SLC25A12: variants seen among roughly 807,000 people sequenced by gnomAD.
The protein encoded by SLC25A12 is solute carrier family 25 member 12, also known as electrogenic aspartate/glutamate antiporter SLC25A12, mitochondrial.
A neutral mutation model predicts 83.3 loss-of-function variants in SLC25A12; 32 were observed. The observed-to-expected ratio is 0.38, with a 90% CI of 0.29 to 0.52. The LOEUF (loss-of-function observed/expected upper bound fraction) is 0.52. Ranked by LOEUF, SLC25A12 falls within the 20% of genes least tolerant of loss-of-function variation. SLC25A12 has a pLI of 0.84. For synonymous variants in SLC25A12, 267 were observed against 291.1 expected (o/e 0.92, Z 0.84); for missense variants, 611 against 835.6 (o/e 0.73, Z 3.31).
chr2:171,808,767 A>G (rs1476392692), intron 13 of SLC25A12, among the ~76,000 whole-genome samples: 1 of 152,202 alleles, frequency 6.6e-6, no homozygotes, highest in Non-Finnish European at 1.5e-5. Context: ...ATACATAGGT[A>G]TACATGTGCC....
chr2:171,795,158 C>A (rs1470272331), intron 13 of SLC25A12, among the ~76,000 whole-genome samples: 3 of 152,186 alleles, frequency 2.0e-5, no homozygotes, highest in African/African-American at 4.8e-5. Flanking sequence ...TTCCCCAGGG[C>A]CTTAATCCCC....
At chr2:171,880,963 T>C (rs987989823) in intron 2 of SLC25A12, among the ~76,000 whole-genome samples, 1 of 152,230 alleles carries the variant, frequency 6.6e-6, no homozygotes, top group African/African-American at 2.4e-5. Flanking sequence ...TTTCTGGGGC[T>C]TAGTTTCCTC....
At chr2:171,826,657 A>G in intron 9 of SLC25A12, 141 bp downstream of exon 9, 1 of 677,746 alleles carries the variant, frequency 1.5e-6, no homozygotes, top group Non-Finnish European at 2.7e-6. Flanking sequence ...GTAGTTCTAT[A>G]AAGGTAATCT....
intron 4 of SLC25A12, among the ~76,000 whole-genome samples, chr2:171,850,103 C>T (rs1198706633): frequency 2.0e-5 from 3 of 151,366 alleles, no homozygotes; most frequent in Admixed American, 6.6e-5. Flanking sequence ...CATGCCTGGC[C>T]GCCATAGAAT....
At chr2:171,842,208 A>G (rs972545342) in intron 5 of SLC25A12, among the ~76,000 whole-genome samples, 4 of 152,168 alleles carry the variant, frequency 2.6e-5, no homozygotes, top group African/African-American at 7.2e-5. Flanking sequence ...TTCAGCCACA[A>G]AAAAGGAATA....
At chr2:171,876,546 G>GC (rs59159634) in intron 2 of SLC25A12, among the ~76,000 whole-genome samples, 32,745 of 82,972 alleles carry the variant, frequency 0.39, 7,040 homozygotes, top group Middle Eastern at 0.52. Context: ...TTTTTTTTGG[G>GC]GGGGGGGGGA....
At chr2:171,884,019 C>T (rs1558944898) in intron 2 of SLC25A12, among the ~76,000 whole-genome samples, 1 of 151,706 alleles carries the variant, frequency 6.6e-6, no homozygotes. Flanking sequence ...GGCCACCATG[C>T]CTGGCTAATT....
At chr2:171,867,134 T>C (rs1445230054) in intron 3 of SLC25A12, among the ~76,000 whole-genome samples, 1 of 146,710 alleles carries the variant, frequency 6.8e-6, no homozygotes, top group African/African-American at 2.6e-5. Flanking sequence ...GCAGAGACGC[T>C]CCTCACTTTC....
At chr2:171,823,881 G>A (rs1219323153) in intron 9 of SLC25A12, among the ~76,000 whole-genome samples, 2 of 152,026 alleles carry the variant, frequency 1.3e-5, no homozygotes, top group African/African-American at 4.8e-5. Context: ...CCTGAGCCGG[G>A]GAGGTCAGGA....
chr2:171,825,663 T>C (rs933803580), intron 9 of SLC25A12, among the ~76,000 whole-genome samples: 19 of 152,118 alleles, frequency 1.2e-4, no homozygotes, highest in African/African-American at 4.6e-4. Flanking sequence ...TCCTAGAGAA[T>C]TATGAGGAAC....
At chr2:171,854,192 T>C (rs1684995706) in intron 4 of SLC25A12, among the ~76,000 whole-genome samples, 1 of 152,194 alleles carries the variant, frequency 6.6e-6, no homozygotes, top group Non-Finnish European at 1.5e-5. Context: ...CTGAGGAAAG[T>C]CAACATTCTT....
At chr2:171,879,052 AAAT>A (rs1445402244) in intron 2 of SLC25A12, among the ~76,000 whole-genome samples, 1 of 152,250 alleles carries the variant, frequency 6.6e-6, no homozygotes, top group Non-Finnish European at 1.5e-5. Context: ...ATTCTATCAT[AAAT>A]AATACTTTAT....
intron 11 of SLC25A12, among the ~76,000 whole-genome samples, chr2:171,812,877 T>C (rs1683977042): frequency 6.6e-6 from 1 of 151,564 alleles, no homozygotes; most frequent in Non-Finnish European, 1.5e-5. Flanking sequence ...GACAAAAACA[T>C]TTGATATTTA....
In SLC25A12 at chr2:171,833,422, G is replaced by A. The variant is rs563508643; in HGVS notation, c.845+541C>T. Among the ~76,000 whole-genome samples the A allele has an allele frequency of 3.3e-5, 5 of 152,032 alleles. 1 individual carries two copies. The East Asian group carries it at 9.7e-4, about 30-fold the overall frequency. On this transcript the variant is annotated intron_variant, in intron 8 of 17. Transcript: ENST00000422440. ...AGCAGATGTAACAGAGGAGAAGAAA[G>A]AAACACAGGGTCTGGACACAGGGAG...
chr2:171,785,839 T>C (rs1690478345), intron 17 of SLC25A12, among the ~76,000 whole-genome samples: 1 of 152,166 alleles, frequency 6.6e-6, no homozygotes, highest in Non-Finnish European at 1.5e-5. Context: ...TCTTGCTATG[T>C]TGCCAAAGCT....
chr2:171,787,301 G>A (rs1025273783), intron 17 of SLC25A12, among the ~76,000 whole-genome samples: 2 of 152,126 alleles, frequency 1.3e-5, no homozygotes, highest in African/African-American at 2.4e-5. Flanking sequence ...CTCCAGCCTG[G>A]GCAACAGAGG....
intron 13 of SLC25A12, among the ~76,000 whole-genome samples, chr2:171,799,686 C>T (rs925156935): frequency 1.3e-5 from 2 of 152,194 alleles, no homozygotes; most frequent in Admixed American, 6.5e-5. Context: ...ATTTTGCATT[C>T]GGCATAACCA....
chr2:171,813,774 T>C (rs1235563673), intron 10 of SLC25A12, among the ~76,000 whole-genome samples: 1 of 152,216 alleles, frequency 6.6e-6, no homozygotes, highest in Non-Finnish European at 1.5e-5. Context: ...ATCGAGTCAC[T>C]TCCCAAATTA....
chr2:171,836,348 T>C (rs1183771554), intron 6 of SLC25A12, among the ~76,000 whole-genome samples: 1 of 152,222 alleles, frequency 6.6e-6, no homozygotes, highest in African/African-American at 2.4e-5. Context: ...CAAAAACTTA[T>C]ACATAAGTAC....
Sources: gnomAD v4.1 joint callset for allele counts (sites outside exome capture counted in the v4.1 genomes callset) on GRCh38, gnomAD v4.1.1 for gene constraint, MANE v1.5 for transcripts, NCBI Gene and HGNC (gene_info 2026-07-23, HGNC 2026-07-21) for gene names.